The following NEDD4L variants were observed in gnomAD, a reference collection of about 807,000 sequenced individuals.
NEDD4L encodes E3 ubiquitin-protein ligase NEDD4-like.
In NEDD4L, 54 loss-of-function variants were observed where a neutral mutation model predicts 148.9. The ratio of observed to expected loss-of-function variants is 0.36; its 90% CI spans 0.29 to 0.45. The LOEUF (loss-of-function observed/expected upper bound fraction) is 0.45, where lower values mean the gene tolerates loss of function less well. Among genes scored for constraint, NEDD4L ranks in the 20% least tolerant of loss-of-function variants. The pLI, the probability that NEDD4L is intolerant of heterozygous loss-of-function variation, is 1.00. For missense variants in NEDD4L, 856 were observed against 1,233.8 expected (o/e 0.69, Z 4.59); for synonymous variants, 433 against 440.7 (o/e 0.98, Z 0.22).
chr18:58,233,061 A>G (rs1425292366), intron 2 of NEDD4L, among the ~76,000 whole-genome samples: 2 of 152,254 alleles, frequency 1.3e-5, no homozygotes, highest in African/African-American at 2.4e-5. Flanking sequence ...ATTTGAGAGC[A>G]AAACCTGATG....
In NEDD4L at chr18:58,378,736, C is replaced by T. The variant is rs958118873; in HGVS notation, c.2353-4510C>T. Among the ~76,000 whole-genome samples, 5 of 152,292 alleles carry T rather than the reference C, an allele frequency of 3.3e-5. 1 individual carries two copies. The highest frequency in any genetic ancestry group is 4.1e-4 in the South Asian group (2 of 4,820). The stretch of plus-strand genomic sequence containing the variant: ...AGTGGGCGTTTGCCCAGCAGTGCTC[C>T]GTTTCCAAGAATGGAGTCTGACAAG... On this transcript the variant is annotated intron_variant, in intron 24 of 30. Coordinates refer to ENST00000400345, the MANE Select transcript of NEDD4L (RefSeq NM_001144967.3).
intron 1 of NEDD4L, among the ~76,000 whole-genome samples, chr18:58,057,268 T>A (rs2082129340): frequency 6.6e-6 from 1 of 150,860 alleles, no homozygotes; most frequent in African/African-American, 2.4e-5. Flanking sequence ...TTTTTTTTAA[T>A]TATCTGGTGA....
chr18:58,179,362 G>T (rs544929701), intron 2 of NEDD4L, among the ~76,000 whole-genome samples: 12 of 152,152 alleles, frequency 7.9e-5, no homozygotes, highest in Non-Finnish European at 1.8e-4. Context: ...GGAATCATCT[G>T]TCTCCGTGAT....
intron 24 of NEDD4L, among the ~76,000 whole-genome samples, chr18:58,376,877 C>A (rs549174817): frequency 6.6e-6 from 1 of 152,186 alleles, no homozygotes; most frequent in African/African-American, 2.4e-5. Context: ...CAACACAAGC[C>A]CCTTCCTGCC....
At chr18:58,386,458 T>A (rs1212854310) in intron 26 of NEDD4L, among the ~76,000 whole-genome samples, 1 of 152,250 alleles carries the variant, frequency 6.6e-6, no homozygotes, top group Non-Finnish European at 1.5e-5. Context: ...GCTGAGTTTT[T>A]ATTTATTTTA....
At chr18:58,216,438 G>C (rs2043164706) in intron 2 of NEDD4L, among the ~76,000 whole-genome samples, 1 of 152,174 alleles carries the variant, frequency 6.6e-6, no homozygotes, top group Non-Finnish European at 1.5e-5. Context: ...GCAAGTGAGA[G>C]TGACCCAGAG....
intron 5 of NEDD4L, among the ~76,000 whole-genome samples, chr18:58,285,326 G>GT (rs1181443379): frequency 6.0e-5 from 9 of 150,556 alleles, no homozygotes; most frequent in African/African-American, 1.2e-4. Context: ...TGTGTGTGTG[G>GT]GTGTGTGTGT....
At chr18:58,057,226 T>C (rs1229672983) in intron 1 of NEDD4L, among the ~76,000 whole-genome samples, 1 of 146,796 alleles carries the variant, frequency 6.8e-6, no homozygotes, top group African/African-American at 2.5e-5. Context: ...CAAGGATTTC[T>C]GGGTAATATT....
intron 1 of NEDD4L, among the ~76,000 whole-genome samples, chr18:58,159,863 A>T (rs2035978330): frequency 6.6e-6 from 1 of 152,208 alleles, no homozygotes; most frequent in African/African-American, 2.4e-5. Context: ...ACATGAATTA[A>T]TTTAGGTAAG....
At chr18:58,152,404 G>A (rs1021647282) in intron 1 of NEDD4L, among the ~76,000 whole-genome samples, 1 of 152,032 alleles carries the variant, frequency 6.6e-6, no homozygotes, top group African/African-American at 2.4e-5. Flanking sequence ...TAAAGATCTG[G>A]GAGATCTACA....
In NEDD4L at chr18:58,044,525, G is replaced by T. The variant is rs1004524340; in HGVS notation, c.-136G>T. 2 of 1,207,900 alleles carry T rather than the reference G, an allele frequency of 1.7e-6. No individual in the cohort carries two copies. Among genetic ancestry groups the T allele is most frequent in the South Asian group, 3.8e-5 (1 of 26,390 alleles). 74.8% of individuals were successfully genotyped at this position (1,207,900 alleles called of 1,614,324 possible). A position where few individuals can be genotyped will look rare whatever the true frequency, so the allele number is the denominator to read the frequency against. ...CGGGCACCCTCACCTGCCGGCGCCC[G>T]GCCGCTTACCCGGCAGGGCGTGCGC... On this transcript the variant is annotated 5_prime_UTR_variant, in exon 1 of 31. Coordinates refer to ENST00000400345, the MANE Select transcript of NEDD4L (RefSeq NM_001144967.3).
Position 58,330,739 on chromosome 18 carries a change from C to T in NEDD4L, c.815C>T (p.Pro272Leu), listed in dbSNP as rs371954364. The T allele has an allele frequency of 3.8e-5, 60 of 1,587,636 alleles. No homozygotes were observed. Among genetic ancestry groups the T allele is most frequent in the Admixed American group, 1.0e-4 (6 of 57,492 alleles). ...CCCCAGTGTCTCCTTCTCTGAAAGC[C>T]TTGGGAGACCATTTCAGAGGAAGTG... Reference protein sequence around the residue: ...EPSEGGDVPEPWETISEEVNI... With the variant: ...EPSEGGDVPELWETISEEVNI... The change falls in exon 11 of 31, where the codon CCT becomes CTT. Residue 272 changes from proline (P) to leucine (L), a missense_variant and splice_region_variant. This residue lies in a region of NEDD4L where 367 missense variants were observed against 422.7 expected (regional missense o/e 0.87). Coordinates refer to ENST00000400345, the MANE Select transcript of NEDD4L (RefSeq NM_001144967.3).
At chr18:58,286,071 C>T (rs1307788897) in intron 5 of NEDD4L, among the ~76,000 whole-genome samples, 2 of 152,150 alleles carry the variant, frequency 1.3e-5, no homozygotes, top group Non-Finnish European at 2.9e-5. Context: ...ACGTTCTTAC[C>T]CAGTGTCAGT....
At chr18:58,298,656 A>T (rs1252044287) in intron 5 of NEDD4L, among the ~76,000 whole-genome samples, 3 of 152,102 alleles carry the variant, frequency 2.0e-5, no homozygotes, top group Non-Finnish European at 4.4e-5. Context: ...GGGTGAGTTG[A>T]TGGGCTCCCT....
intron 24 of NEDD4L, among the ~76,000 whole-genome samples, chr18:58,380,263 G>A (rs2048156557): frequency 1.3e-5 from 2 of 148,340 alleles, no homozygotes; most frequent in Admixed American, 1.3e-4. Flanking sequence ...TTACAGAAGT[G>A]GAATTGTACT....
intron 5 of NEDD4L, among the ~76,000 whole-genome samples, chr18:58,279,246 G>A (rs988058550): frequency 3.9e-5 from 6 of 152,260 alleles, no homozygotes; most frequent in African/African-American, 1.4e-4. Flanking sequence ...CCCCCACAGA[G>A]CTTCCAGTCT....
rs751923937 is a variant in NEDD4L at position 58,080,010 on chromosome 18, C to T, written c.48+35302C>T. ...TGGCACGATCATGGCTCACTGTAGC[C>T]TTGAACTCCTGGGCTCGAGCCATCC... On this transcript the variant is annotated intron_variant, in intron 1 of 30. Transcript: ENST00000400345. Among the ~76,000 whole-genome samples the T allele has an allele frequency of 2.6e-4, 39 of 152,204 alleles. 1 individual carries two copies. The highest frequency in any genetic ancestry group is 1.0e-4 in the Non-Finnish European group (7 of 68,030).
At chr18:58,365,281 C>A (rs983209664) in intron 20 of NEDD4L, among the ~76,000 whole-genome samples, 6 of 152,208 alleles carry the variant, frequency 3.9e-5, no homozygotes, top group Admixed American at 6.5e-5. Flanking sequence ...TGAGTCATGT[C>A]CCCTGGTAAT....
intron 2 of NEDD4L, among the ~76,000 whole-genome samples, chr18:58,178,191 G>A (rs187107107): frequency 1.3e-5 from 2 of 152,168 alleles, no homozygotes; most frequent in African/African-American, 4.8e-5. Context: ...TTTTGTCATG[G>A]TTTCCAGATT....
Sources: gnomAD v4.1 joint callset for allele counts (sites outside exome capture counted in the v4.1 genomes callset) on GRCh38, gnomAD v4.1.1 for gene constraint, gnomAD v4.1.1 regional missense constraint, MANE v1.5 for transcripts, NCBI Gene and HGNC (gene_info 2026-07-23, HGNC 2026-07-21) for gene names.